The following MLF1 variants were observed in gnomAD, a reference collection of about 807,000 sequenced individuals.
MLF1 encodes myelodysplasia-myeloid leukemia factor 1.
In MLF1, 37 loss-of-function variants were observed where a neutral mutation model predicts 38.3. The ratio of observed to expected loss-of-function variants is 0.96; its 90% CI spans 0.74 to 1.27. MLF1 has a LOEUF of 1.27. MLF1 is among the 50% of genes most tolerant of loss of function. The pLI, the probability that MLF1 is intolerant of heterozygous loss-of-function variation, is 0.00. For missense variants in MLF1, 331 were observed against 349.2 expected (o/e 0.95, Z 0.42); for synonymous variants, 95 against 106.5 (o/e 0.89, Z 0.66).
chr3:158,575,295 T>C (rs1160234199), intron 1 of MLF1, among the ~76,000 whole-genome samples: 1 of 152,230 alleles, frequency 6.6e-6, no homozygotes, highest in Non-Finnish European at 1.5e-5. Flanking sequence ...CTTTTAAATA[T>C]ACAAAATAGT....
At chr3:158,581,816 C>G (rs984125025) in intron 1 of MLF1, among the ~76,000 whole-genome samples, 1 of 152,108 alleles carries the variant, frequency 6.6e-6, no homozygotes, top group Non-Finnish European at 1.5e-5. Flanking sequence ...GAAAAGCAGA[C>G]AACGTGCTAG....
intron 1 of MLF1, among the ~76,000 whole-genome samples, chr3:158,580,722 G>A (rs1366886892): frequency 2.0e-5 from 3 of 150,810 alleles, no homozygotes; most frequent in Admixed American, 6.6e-5. Context: ...TTGGGATGCT[G>A]AAACGGGCAG....
intron 1 of MLF1, among the ~76,000 whole-genome samples, chr3:158,572,276 TG>T (rs1714569070): frequency 7.0e-5 from 2 of 28,688 alleles, no homozygotes; most frequent in Non-Finnish European, 1.3e-4. Context: ...GGGCGTGAGG[TG>T]GGGGGACGGT....
intron 1 of MLF1, 141 bp from the exon 2 acceptor site, chr3:158,592,292 AT>A (rs1232843714): frequency 1.6e-5 from 10 of 630,792 alleles, no homozygotes; most frequent in Non-Finnish European, 2.6e-5. Flanking sequence ...TATTCTATTT[AT>A]GAATAAAATA....
intron 1 of MLF1, among the ~76,000 whole-genome samples, chr3:158,576,536 G>A (rs1164325260): frequency 6.6e-6 from 1 of 152,170 alleles, no homozygotes; most frequent in Non-Finnish European, 1.5e-5. Context: ...ATACGAAACA[G>A]GAACTGTGAA....
chr3:158,583,003 C>A, intron 1 of MLF1: 1 of 589,210 alleles, frequency 1.7e-6, no homozygotes, highest in East Asian at 3.0e-5. Flanking sequence ...TAATAATAGG[C>A]ACACACACAT....
At chr3:158,586,156 C>T (rs992300358) in intron 1 of MLF1, among the ~76,000 whole-genome samples, 3 of 140,692 alleles carry the variant, frequency 2.1e-5, no homozygotes, top group African/African-American at 8.3e-5. Context: ...AAGAGTGAAA[C>T]TCTGTCTCAA....
intron 1 of MLF1, among the ~76,000 whole-genome samples, chr3:158,572,710 G>A (rs1714708929): frequency 7.6e-6 from 1 of 130,740 alleles, no homozygotes; most frequent in Admixed American, 7.6e-5. Flanking sequence ...GAGGGTTTAG[G>A]GGCATGAGGT....
intron 4 of MLF1, 34 bp from the exon 5 acceptor site, chr3:158,598,046 G>T (rs1407076831): frequency 1.9e-6 from 3 of 1,605,286 alleles, no homozygotes; most frequent in South Asian, 2.2e-5. Context: ...ATTTATATTT[G>T]ACTCGACTGA....
In MLF1 at chr3:158,598,112, A is replaced by G; in HGVS notation, c.357A>G (p.Ser119=). The G allele has an allele frequency of 6.2e-7, 1 of 1,613,558 alleles. No homozygotes were observed. The highest frequency in any genetic ancestry group is 8.5e-7 in the Non-Finnish European group (1 of 1,179,808). ...GQLSVDPNGH[S]FCSSSVMTYS... is the part of the protein sequence containing the mutation. ...TTTCAGTGGATCCAAATGGACATTCATTTTGTTCTTCCTCAGTTATGACTT... is the reference window on the plus strand; with the variant it reads ...TTTCAGTGGATCCAAATGGACATTCGTTTTGTTCTTCCTCAGTTATGACTT... Residue 119 remains serine, a synonymous_variant, in exon 5 of 8, where the codon TCA becomes TCG. Transcript: ENST00000466246.
chr3:158,584,393 T>A (rs866717051), intron 1 of MLF1, among the ~76,000 whole-genome samples: 3 of 152,084 alleles, frequency 2.0e-5, no homozygotes, highest in Non-Finnish European at 4.4e-5. Flanking sequence ...TACCTATTTT[T>A]AAAAAATCAA....
intron 1 of MLF1, among the ~76,000 whole-genome samples, chr3:158,589,470 A>G (rs1717807070): frequency 1.3e-5 from 2 of 152,072 alleles, no homozygotes; most frequent in South Asian, 4.1e-4. Context: ...TCGGCCTCCC[A>G]AAGTGCTGGG....
chr3:158,577,134 A>G (rs1715586520), intron 1 of MLF1, among the ~76,000 whole-genome samples: 1 of 152,126 alleles, frequency 6.6e-6, no homozygotes, highest in African/African-American at 2.4e-5. Flanking sequence ...CTATTTTAAA[A>G]ATTTTTACAA....
chr3:158,589,171 TA>T (rs1179142822), intron 1 of MLF1, among the ~76,000 whole-genome samples: 3 of 152,184 alleles, frequency 2.0e-5, no homozygotes, highest in Non-Finnish European at 4.4e-5. Context: ...TCAAATTCCA[TA>T]AACATTATTT....
At position 158,592,564 on chromosome 3, in the gene MLF1, G is replaced by T. The variant is rs143826689; in HGVS notation, c.178G>T (p.Gly60Cys). The T allele has an allele frequency of 5.6e-5, 90 of 1,607,026 alleles. No individual in the cohort carries two copies. The African/African-American group carries it at 1.1e-3, about 20-fold the overall frequency. Residue 60 changes from glycine (G) to cysteine (C), a missense_variant, in exon 2 of 8, where the codon GGT (glycine) becomes TGT (cysteine). Transcript: ENST00000466246. ...RAHNRRGHND[G>C]EDSLTATSCS... ...TCATAATCGTAGAGGACATAATGAT[G>T]GTGAAGATTCTTTGACTGTAAGTTC... is the stretch of plus-strand genomic sequence containing the variant.
In MLF1 at chr3:158,597,088, T is replaced by C. The variant is rs1460282506; in HGVS notation, c.324+143T>C. 7.8e-6 allele frequency: 4 copies of C among 512,574 alleles called. No individual in the cohort carries two copies. The East Asian group carries it at 1.2e-4, about 16-fold the overall frequency. 31.8% of individuals were successfully genotyped at this position (512,574 alleles called of 1,614,324 possible). The stretch of plus-strand genomic sequence containing the variant: ...AACCCAATAAGCAATATTTGTATAC[T>C]TTATAAATATATTTGAAGCAAAAGT... On this transcript the variant is annotated intron_variant, in intron 4 of 7. Transcript: ENST00000466246.
At position 158,571,261 on chromosome 3, in the gene MLF1, CA is replaced by C; in HGVS notation, c.-38del. 1 of 1,534,544 alleles carries C rather than the reference CA, an allele frequency of 6.5e-7. No homozygotes were observed. Among genetic ancestry groups the C allele is most frequent in the South Asian group, 1.1e-5 (1 of 88,880 alleles). On this transcript the variant is annotated 5_prime_UTR_variant, in exon 1 of 8. Coordinates refer to ENST00000466246, the MANE Select transcript of MLF1 (RefSeq NM_001369783.1). Reference sequence around the variant, plus strand: ...CCGCGGCGAGTTAACATCGTTTTTCCAATCTGTCCGCGGCTGCCGCCACCCA... The same window carrying C: ...CCGCGGCGAGTTAACATCGTTTTTCCATCTGTCCGCGGCTGCCGCCACCCA...
intron 1 of MLF1, among the ~76,000 whole-genome samples, chr3:158,578,613 G>A (rs1265803046): frequency 6.6e-6 from 1 of 151,928 alleles, no homozygotes; most frequent in African/African-American, 2.4e-5. Context: ...GGGGAAGTAG[G>A]CAACAATTTA....
intron 1 of MLF1, among the ~76,000 whole-genome samples, chr3:158,575,412 T>C (rs1715276846): frequency 6.6e-6 from 1 of 152,204 alleles, no homozygotes; most frequent in South Asian, 2.1e-4. Context: ...CAATGAATTA[T>C]ATTTAACACA....
Sources: gnomAD v4.1 joint callset for allele counts (sites outside exome capture counted in the v4.1 genomes callset) on GRCh38, gnomAD v4.1.1 for gene constraint, MANE v1.5 for transcripts, NCBI Gene and HGNC (gene_info 2026-07-23, HGNC 2026-07-21) for gene names.